Variants in JADE3 observed in about 807,000 individuals in gnomAD.
JADE3 encodes protein Jade-3.
In JADE3, 2 loss-of-function variants were observed where a neutral mutation model predicts 50.1. The observed-to-expected ratio is 0.04, with a 90% CI of 0.02 to 0.13. The LOEUF is 0.13. Ranked by LOEUF, JADE3 falls within the 10% of genes least tolerant of loss-of-function variation. The probability of loss-of-function intolerance (pLI) is 1.00; values close to 1 mark genes in which losing one functional copy is unlikely to be tolerated. For missense variants in JADE3, 475 were observed against 634.4 expected (o/e 0.75, Z 2.70); for synonymous variants, 218 against 232.9 (o/e 0.94, Z 0.58).
rs782410237 is a variant in JADE3, at chrX:46,942,655, G to T, written c.-12+29936G>T. Among the ~76,000 whole-genome samples the T allele has an allele frequency of 2.7e-5, 3 of 111,792 alleles. No individual in the cohort carries two copies. The South Asian group carries it at 1.1e-3, about 41-fold the overall frequency. Reference sequence around the variant, plus strand: ...TGATGTCTCCAGCTTTGTTCTTTTTGACTAGGATTGCTTTGGCTATTTAGG... The same window carrying T: ...TGATGTCTCCAGCTTTGTTCTTTTTTACTAGGATTGCTTTGGCTATTTAGG... On this transcript the variant is annotated intron_variant, in intron 1 of 10. Transcript: ENST00000614628.
chrX:47,021,971 C>T, intron 4 of JADE3, among the ~76,000 whole-genome samples: 1 of 111,971 alleles, frequency 8.9e-6, no homozygotes, highest in East Asian at 2.8e-4. Flanking sequence ...TGGTTAATGG[C>T]TTTTGTGTCT....
chrX:46,981,383 G>A (rs1556353008), intron 1 of JADE3, among the ~76,000 whole-genome samples: 1 of 112,161 alleles, frequency 8.9e-6, no homozygotes, highest in East Asian at 2.8e-4. Context: ...GTAGATCTGT[G>A]CATTCAGTGG....
chrX:46,998,469 G>T (rs1202727912), intron 4 of JADE3, among the ~76,000 whole-genome samples, 192 bp downstream of exon 4: 1 of 109,801 alleles, frequency 9.1e-6, no homozygotes, highest in Non-Finnish European at 1.9e-5. Context: ...CATGTATTTA[G>T]GGACATAGTA....
At chrX:46,922,117 C>T (rs1327740799) in intron 1 of JADE3, among the ~76,000 whole-genome samples, 1 of 108,022 alleles carries the variant, frequency 9.3e-6, no homozygotes, top group Non-Finnish European at 1.9e-5. Flanking sequence ...CCCCTCCCTG[C>T]GTCGATATGT....
intron 1 of JADE3, among the ~76,000 whole-genome samples, chrX:46,963,587 C>G (rs1226899104): frequency 8.9e-6 from 1 of 112,218 alleles, no homozygotes; most frequent in Non-Finnish European, 1.9e-5. Context: ...CTGAGCAGTT[C>G]TGCTGTTCTC....
chrX:46,930,888 T>C (rs1569534228), intron 1 of JADE3, among the ~76,000 whole-genome samples: 1 of 111,273 alleles, frequency 9.0e-6, no homozygotes, highest in Non-Finnish European at 1.9e-5. Context: ...CTTCTCAACT[T>C]CCCAGCCCCC....
rs782050967 is a variant in JADE3, at chrX:47,054,359, A to G, written c.1174A>G (p.Lys392Glu). 3.3e-6 allele frequency: 4 copies of G among 1,209,443 alleles called. No individual in the cohort carries two copies. The East Asian group carries it at 1.2e-4, about 36-fold the overall frequency. ...AKEQSQAKSE[K>E]TSLRAQKLRE... ...AGAGCAGAGCCAGGCCAAAAGTGAG[A>G]AAACCAGCCTGCGGGCACAGAAGCT... Residue 392 changes from lysine (K) to glutamate (E), a missense_variant, in exon 9 of 11, where the codon AAA becomes GAA. Coordinates refer to ENST00000614628, the MANE Select transcript of JADE3 (RefSeq NM_014735.5).
In JADE3 at chrX:47,050,924, G is replaced by A. The variant is rs928673198; in HGVS notation, c.973-3234G>A. Among the ~76,000 whole-genome samples the A allele has an allele frequency of 2.7e-5, 3 of 112,174 alleles. No individual in the cohort carries two copies. In the East Asian group the frequency reaches 8.4e-4, roughly 31 times the overall value. On this transcript the variant is annotated intron_variant, in intron 8 of 10. Coordinates refer to ENST00000614628, the MANE Select transcript of JADE3 (RefSeq NM_014735.5). ...TTTCAAACGTCTGACTAGTTTCTTA[G>A]CCAAGTGATAACAAAAGGTACCCAG...
intron 8 of JADE3, among the ~76,000 whole-genome samples, chrX:47,039,592 T>C (rs1929213406): frequency 1.8e-5 from 2 of 110,798 alleles, no homozygotes; most frequent in Non-Finnish European, 3.8e-5. Context: ...CACTGTCTAT[T>C]TTTCCTGTCT....
intron 6 of JADE3, among the ~76,000 whole-genome samples, chrX:47,031,468 C>G (rs1556366710): frequency 9.0e-6 from 1 of 111,263 alleles, no homozygotes; most frequent in Non-Finnish European, 1.9e-5. Flanking sequence ...AGCTCTACCT[C>G]TAGTGACTTT....
intron 1 of JADE3, among the ~76,000 whole-genome samples, chrX:46,967,001 C>T (rs996075077): frequency 8.9e-5 from 10 of 112,209 alleles, no homozygotes; most frequent in African/African-American, 2.9e-4. Flanking sequence ...TAGCTGTTTT[C>T]TGGTCAACTG....
chrX:46,932,412 C>T (rs1273827782), intron 1 of JADE3, among the ~76,000 whole-genome samples: 1 of 112,150 alleles, frequency 8.9e-6, no homozygotes, highest in Non-Finnish European at 1.9e-5. Context: ...GGCATAACCA[C>T]TTTTCTAATT....
intron 3 of JADE3, among the ~76,000 whole-genome samples, chrX:46,990,270 A>G (rs1046293458): frequency 9.0e-6 from 1 of 111,235 alleles, no homozygotes; most frequent in Admixed American, 9.6e-5. Flanking sequence ...TTTTAGTATT[A>G]TGTCATTAGA....
chrX:47,042,968 T>C (rs1221301839), intron 8 of JADE3, among the ~76,000 whole-genome samples: 4 of 111,626 alleles, frequency 3.6e-5, no homozygotes, highest in African/African-American at 1.3e-4. Context: ...GGGGTGCTTG[T>C]ATTAGCCCTC....
At chrX:46,997,387 A>G (rs1394161234) in intron 3 of JADE3, among the ~76,000 whole-genome samples, 2 of 111,367 alleles carry the variant, frequency 1.8e-5, no homozygotes, top group African/African-American at 6.5e-5. Context: ...GCATGGTGGT[A>G]TGTGCCTGTA....
chrX:47,010,419 G>A (rs1187397273), intron 4 of JADE3, among the ~76,000 whole-genome samples: 1 of 110,678 alleles, frequency 9.0e-6, no homozygotes, highest in Admixed American at 9.6e-5. Context: ...GTAGAGACAG[G>A]GTTTCTCCAT....
intron 1 of JADE3, among the ~76,000 whole-genome samples, chrX:46,926,634 C>CA (rs1602371290): frequency 8.9e-6 from 1 of 112,189 alleles, no homozygotes; most frequent in Admixed American, 9.5e-5. Flanking sequence ...TTCTATTACC[C>CA]AAAAAATTCC....
chrX:47,028,002 G>C lies in JADE3; in HGVS notation c.586G>C (p.Glu196Gln), dbSNP rs1556365917. 1 of 1,207,524 alleles carries C rather than the reference G, an allele frequency of 8.3e-7. No homozygotes were observed. Among genetic ancestry groups the C allele is most frequent in the Non-Finnish European group, 1.1e-6 (1 of 891,737 alleles). The change falls in exon 6 of 11, where the codon GAG (glutamate) becomes CAG (glutamine). Residue 196 changes from glutamate (E) to glutamine (Q), a missense_variant. By Grantham distance (29) the Glu-to-Gln change is conservative (BLOSUM62 2). This residue lies in a region of JADE3 where 54 missense variants were observed against 156.2 expected (regional missense o/e 0.35). Transcript: ENST00000614628. ...TGAGACAGAGGAAGGGCTAGGCATA[G>C]AGTATGATGAAGATGTGATCTGTGA... ...AIETEEGLGI[E>Q]YDEDVICDVC...
chrX:47,039,515 A>G (rs1313965497), intron 8 of JADE3, among the ~76,000 whole-genome samples: 2 of 109,904 alleles, frequency 1.8e-5, no homozygotes, highest in Non-Finnish European at 3.8e-5. Context: ...CCATATAGTG[A>G]GCATAGTAAG....
Sources: gnomAD v4.1 joint callset for allele counts (sites outside exome capture counted in the v4.1 genomes callset) on GRCh38, gnomAD v4.1.1 for gene constraint, gnomAD v4.1.1 regional missense constraint, MANE v1.5 for transcripts, NCBI Gene and HGNC (gene_info 2026-07-23, HGNC 2026-07-21) for gene names.